The following NAB1 variants were observed in gnomAD, a reference collection of about 807,000 sequenced individuals.
NAB1 encodes NGFI-A binding protein 1.
NAB1 carries 25 observed loss-of-function variants against 49.9 expected under a neutral mutation model. The ratio of observed to expected loss-of-function variants is 0.50; its 90% confidence interval spans 0.37 to 0.70. NAB1 has a LOEUF of 0.70. NAB1 is among the 30% of genes least tolerant of loss of function. The pLI is 0.00. For missense variants in NAB1, 489 were observed against 575.9 expected (o/e 0.85, Z 1.54); for synonymous variants, 198 against 215.6 (o/e 0.92, Z 0.71).
intron 2 of NAB1, among the ~76,000 whole-genome samples, chr2:190,653,935 A>C (rs2125562684): frequency 6.6e-6 from 1 of 152,270 alleles, no homozygotes; most frequent in East Asian, 1.9e-4. Context: ...AGGATGAGAG[A>C]ATGAAAAGGA....
intron 8 of NAB1, 98 bp from the exon 9 acceptor site, chr2:190,687,103 T>C: frequency 1.8e-6 from 1 of 550,142 alleles, no homozygotes; most frequent in East Asian, 3.4e-5. Flanking sequence ...TTGACTCTCC[T>C]CACTTTTTTC....
chr2:190,685,214 T>C lies in NAB1; in HGVS notation c.1096-262T>C, dbSNP rs1338269977. Among the ~76,000 whole-genome samples the C allele has an allele frequency of 6.6e-6, 1 of 152,244 alleles. No individual in the cohort carries two copies. Among genetic ancestry groups the C allele is most frequent in the Admixed American group, 6.5e-5 (1 of 15,282 alleles). On this transcript the variant is annotated intron_variant, in intron 7 of 9. Transcript: ENST00000337386. This position sits in a 1 kb window ranked among gnomAD's most constrained non-coding sequence, Gnocchi z 4.5. ...ACCTTGGAAAACAAAGCTAAGGTTA[T>C]GTTGCTTTTGAGCTGACATGGAATT...
rs779328899 is a variant in NAB1 at position 190,679,345 on chromosome 2, G to T, written c.1006-4393G>T. Among the ~76,000 whole-genome samples, 18 of 152,210 alleles carry T rather than the reference G, an allele frequency of 1.2e-4. No homozygotes were observed. Among genetic ancestry groups the T allele is most frequent in the Non-Finnish European group, 2.4e-4 (16 of 68,038 alleles). On this transcript the variant is annotated intron_variant, in intron 6 of 9. Transcript: ENST00000337386. This position sits in a 1 kb window ranked among gnomAD's most constrained non-coding sequence, Gnocchi z 5.3. ...TCCACAGTGAACTGTCAAGACTGTA[G>T]GAGTAAATAATGACTAATGTGCTCA... is the stretch of plus-strand genomic sequence containing the variant.
intron 5 of NAB1, among the ~76,000 whole-genome samples, chr2:190,672,860 G>T (rs1694885138): frequency 6.6e-6 from 1 of 151,980 alleles, no homozygotes; most frequent in Admixed American, 6.6e-5. Context: ...CAGAGGTGGT[G>T]AGTTCTTAGG....
At chr2:190,658,030 G>C (rs1694018760) in intron 3 of NAB1, among the ~76,000 whole-genome samples, 1 of 152,174 alleles carries the variant, frequency 6.6e-6, no homozygotes, top group African/African-American at 2.4e-5. Flanking sequence ...TTTGTATGTG[G>C]GAGGTCTCCA....
Position 190,684,476 on chromosome 2 carries a change from C to T in NAB1, c.1095+649C>T, listed in dbSNP as rs1333943832. The stretch of plus-strand genomic sequence containing the variant: ...TTAGGATGAAAAATACATTTTTTAC[C>T]TCAGATATGCTTATTTAAATTTTGT... On this transcript the variant is annotated intron_variant, in intron 7 of 9. Coordinates refer to ENST00000337386, the MANE Select transcript of NAB1 (RefSeq NM_005966.4). This position sits in a 1 kb window ranked among gnomAD's most constrained non-coding sequence, Gnocchi z 4.6. 6.6e-6 allele frequency among the ~76,000 whole-genome samples: 1 copy of T among 151,804 alleles called. No homozygotes were observed. The highest frequency in any genetic ancestry group is 1.9e-4 in the East Asian group (1 of 5,176).
Position 190,652,998 on chromosome 2 carries a change from C to T in NAB1, c.-196-2979C>T, listed in dbSNP as rs189887848. On this transcript the variant is annotated intron_variant, in intron 2 of 9. Coordinates refer to ENST00000337386, the MANE Select transcript of NAB1 (RefSeq NM_005966.4). This position sits in a 1 kb window ranked among gnomAD's most constrained non-coding sequence, Gnocchi z 4.2. Reference sequence around the variant, plus strand: ...ATGCATAAACTTTCTTATCAGCTATCGTTAGTGTATTTTTTGTGTGGCCCA... The same window carrying T: ...ATGCATAAACTTTCTTATCAGCTATTGTTAGTGTATTTTTTGTGTGGCCCA... Among the ~76,000 whole-genome samples, 23 of 152,306 alleles carry T rather than the reference C, an allele frequency of 1.5e-4. No homozygotes were observed. The South Asian group carries it at 2.5e-3, about 16-fold the overall frequency.
chr2:190,690,012 C>CTATACATATATGTATACTATACGTATAG (rs1553555818), intron 9 of NAB1, among the ~76,000 whole-genome samples: 22 of 73,344 alleles, frequency 3.0e-4, no homozygotes, highest in Non-Finnish European at 4.9e-4. Flanking sequence ...ATGTATACAT[C>CTATACATATATGTATACTATACGTATAG]TATACATATA....
At position 190,659,272 on chromosome 2, in the gene NAB1, A is replaced by G; in HGVS notation, c.96A>G (p.Gln32=). 2 of 1,614,134 alleles carry G rather than the reference A, an allele frequency of 1.2e-6. No homozygotes were observed. Among genetic ancestry groups the G allele is most frequent in the East Asian group, 2.2e-5 (1 of 44,884 alleles). ...NLLSYFDAFI[Q]QGGDDVQQLC... ...TTTCTTATTTTGATGCCTTTATCCA[A>G]CAAGGTGGTGATGATGTCCAGCAAC... The change falls in exon 4 of 10, where the codon CAA becomes CAG. Residue 32 remains glutamine (Q), a synonymous_variant. Transcript: ENST00000337386. The surrounding 1 kb of genome is among the most constrained non-coding windows in gnomAD (Gnocchi z 6.2).
At position 190,685,147 on chromosome 2, in the gene NAB1, C is replaced by G. The variant is rs377169443; in HGVS notation, c.1096-329C>G. On this transcript the variant is annotated intron_variant, in intron 7 of 9. Transcript: ENST00000337386. This position sits in a 1 kb window ranked among gnomAD's most constrained non-coding sequence, Gnocchi z 4.5. ...TAGTTTATAGCAGATGTTGCTGTTG[C>G]TTTTAGATTTCTGTTTTAAAAAATC... is the stretch of plus-strand genomic sequence containing the variant. Among the ~76,000 whole-genome samples, 14 of 152,258 alleles carry G rather than the reference C, an allele frequency of 9.2e-5. No individual in the cohort carries two copies. Among genetic ancestry groups the G allele is most frequent in the African/African-American group, 3.4e-4 (14 of 41,550 alleles).
At chr2:190,683,947 T>C in intron 7 of NAB1, 120 bp downstream of exon 7, 2 of 766,188 alleles carry the variant, frequency 2.6e-6, no homozygotes, top group African/African-American at 1.8e-5. Context: ...CCGTTTGTTT[T>C]TTAAAACGTC....
intron 2 of NAB1, among the ~76,000 whole-genome samples, chr2:190,650,364 GA>G (rs752061187): frequency 1.3e-5 from 2 of 152,228 alleles, no homozygotes; most frequent in Non-Finnish European, 2.9e-5. Context: ...GCAAAGATCA[GA>G]AGCTGAAAGA....
intron 2 of NAB1, chr2:190,653,872 T>G (rs924557693): frequency 2.6e-5 from 4 of 152,200 alleles, no homozygotes; most frequent in African/African-American, 9.7e-5. Flanking sequence ...CTTGGGAGAA[T>G]AGCCATGTTA....
chr2:190,670,529 T>G lies in NAB1; in HGVS notation c.953+70T>G, dbSNP rs1694750571. 1 of 1,478,938 alleles carries G rather than the reference T, an allele frequency of 6.8e-7. No homozygotes were observed. Among genetic ancestry groups the G allele is most frequent in the Admixed American group, 1.8e-5 (1 of 54,362 alleles). 91.6% of individuals were successfully genotyped at this position (1,478,938 alleles called of 1,614,324 possible). On this transcript the variant is annotated intron_variant, in intron 5 of 9. Transcript: ENST00000337386. This position sits in a 1 kb window ranked among gnomAD's most constrained non-coding sequence, Gnocchi z 5.3. The stretch of plus-strand genomic sequence containing the variant: ...AAGTAGAGTTCGAAACATCATCTAT[T>G]GATAGAATATAAGCATTTCTGAAAA...
chr2:190,683,900 C>G (rs533233879), intron 7 of NAB1, 73 bp downstream of exon 7: 2 of 1,209,298 alleles, frequency 1.7e-6, no homozygotes, highest in Admixed American at 2.1e-5. Flanking sequence ...CTTCAACTAG[C>G]TTCAGTTTTA....
chr2:190,685,384 T>C lies in NAB1; in HGVS notation c.1096-92T>C. 2.6e-6 allele frequency: 3 copies of C among 1,164,352 alleles called. No homozygotes were observed. Among genetic ancestry groups the C allele is most frequent in the Non-Finnish European group, 3.6e-6 (3 of 840,550 alleles). 72.1% of individuals were successfully genotyped at this position (1,164,352 alleles called of 1,614,324 possible). On this transcript the variant is annotated intron_variant, in intron 7 of 9. Transcript: ENST00000337386. The surrounding 1 kb of genome is among the most constrained non-coding windows in gnomAD (Gnocchi z 4.5). Reference sequence around the variant, plus strand: ...TGAACTAATTTTAATGAATACTAAATATATTTGCTGGAGTCTGAAATTGGC... The same window carrying C: ...TGAACTAATTTTAATGAATACTAAACATATTTGCTGGAGTCTGAAATTGGC...
intron 2 of NAB1, chr2:190,653,641 G>A (rs1693778517): frequency 6.6e-6 from 1 of 152,192 alleles, no homozygotes; most frequent in African/African-American, 2.4e-5. Flanking sequence ...GAAGATGCAA[G>A]AATAGTGATT....
In NAB1 at chr2:190,675,504, C is replaced by G. The variant is rs932394950; in HGVS notation, c.1005+2352C>G. Among the ~76,000 whole-genome samples, 1 of 152,110 alleles carries G rather than the reference C, an allele frequency of 6.6e-6. No homozygotes were observed. The highest frequency in any genetic ancestry group is 1.5e-5 in the Non-Finnish European group (1 of 68,022). Reference sequence around the variant, plus strand: ...CCTTTCTGTTCCTTTAAATATACTCCACTAGAGATACTTGAGTTATAGTTC... The same window carrying G: ...CCTTTCTGTTCCTTTAAATATACTCGACTAGAGATACTTGAGTTATAGTTC... On this transcript the variant is annotated intron_variant, in intron 6 of 9. Transcript: ENST00000337386. This position sits in a 1 kb window ranked among gnomAD's most constrained non-coding sequence, Gnocchi z 5.2.
rs1315589033 is a variant in NAB1 at position 190,684,437 on chromosome 2, TTG to T, written c.1095+612_1095+613del. 1.6e-5 allele frequency among the ~76,000 whole-genome samples: 2 copies of T among 126,374 alleles called. No homozygotes were observed. The highest frequency in any genetic ancestry group is 8.0e-5 in the African/African-American group (2 of 24,852). 82.9% of individuals were successfully genotyped at this position (126,374 alleles called of 152,430 possible). On this transcript the variant is annotated intron_variant, in intron 7 of 9. Coordinates refer to ENST00000337386, the MANE Select transcript of NAB1 (RefSeq NM_005966.4). This position sits in a 1 kb window ranked among gnomAD's most constrained non-coding sequence, Gnocchi z 4.6. ...TGATCAAATTTAGTACTGCTAAGTT[TTG>T]TTTTTTTCATGTTAGGATGAAAAAT...
Sources: allele counts gnomAD v4.1 joint callset (sites outside exome capture counted in the v4.1 genomes callset), GRCh38; gene constraint gnomAD v4.1.1; non-coding constraint Gnocchi (gnomAD v3.1); transcripts MANE v1.5; gene names NCBI Gene and HGNC (gene_info 2026-07-23, HGNC 2026-07-21).